The following NR2E1 variants were observed in gnomAD, a reference collection of about 807,000 sequenced individuals.
NR2E1 encodes the protein nuclear receptor TLX.
NR2E1 carries 5 observed loss-of-function variants against 43.6 expected under a neutral mutation model. The ratio of observed to expected loss-of-function variants is 0.11; its 90% CI spans 0.06 to 0.24. The LOEUF (loss-of-function observed/expected upper bound fraction) is 0.24, where lower values mean the gene tolerates loss of function less well. NR2E1 is among the 10% of genes least tolerant of loss of function. The probability of loss-of-function intolerance (pLI) is 1.00; values close to 1 mark genes in which losing one functional copy is unlikely to be tolerated. For missense variants in NR2E1, 287 were observed against 496.7 expected (o/e 0.58, Z 4.01); for synonymous variants, 191 against 195.5 (o/e 0.98, Z 0.19).
chr6:108,173,769 A>G (rs1773851098), intron 2 of NR2E1, among the ~76,000 whole-genome samples: 1 of 152,238 alleles, frequency 6.6e-6, no homozygotes, highest in East Asian at 1.9e-4. Context: ...TTCTGTGTAT[A>G]AAACTCATGC....
At chr6:108,178,726 T>C (rs1325323541) in intron 5 of NR2E1, 2 of 228,170 alleles carry the variant, frequency 8.8e-6, no homozygotes, top group Admixed American at 1.0e-4. Context: ...TGGTCATTAA[T>C]TGATAAGCAT....
intron 8 of NR2E1, among the ~76,000 whole-genome samples, chr6:108,186,540 C>G (rs71558307): frequency 7.2e-5 from 11 of 152,240 alleles, no homozygotes; most frequent in Non-Finnish European, 1.2e-4. Flanking sequence ...GTGGAGGGAG[C>G]TCTCCTTATG....
chr6:108,167,793 G>T (rs921533804), intron 1 of NR2E1, among the ~76,000 whole-genome samples: 1 of 152,016 alleles, frequency 6.6e-6, no homozygotes, highest in African/African-American at 2.4e-5. Flanking sequence ...CGCTCTGTGC[G>T]TTCCTTCCCT....
chr6:108,177,504 A>G (rs545641685), intron 4 of NR2E1, among the ~76,000 whole-genome samples: 1 of 152,352 alleles, frequency 6.6e-6, no homozygotes, highest in South Asian at 2.1e-4. Context: ...ACTGCAGGGA[A>G]GCCAGACACC....
intron 2 of NR2E1, among the ~76,000 whole-genome samples, chr6:108,174,569 C>T (rs542258906): frequency 3.3e-5 from 5 of 152,252 alleles, no homozygotes; most frequent in African/African-American, 9.6e-5. Context: ...CTAAGCTTCA[C>T]CTGCTTGGAG....
chr6:108,179,543 A>AT (rs1002000111), intron 5 of NR2E1, among the ~76,000 whole-genome samples: 30 of 117,010 alleles, frequency 2.6e-4, no homozygotes, highest in Admixed American at 1.5e-3. Context: ...TAGACTGGCT[A>AT]TTTTTTTTCA....
chr6:108,184,907 A>T (rs1177502126), intron 8 of NR2E1, among the ~76,000 whole-genome samples: 45 of 152,240 alleles, frequency 3.0e-4, no homozygotes, highest in Admixed American at 2.9e-3. Flanking sequence ...CTTATTTCTT[A>T]TTAAATAATG....
At position 108,168,444 on chromosome 6, in the gene NR2E1, C is replaced by A. The variant is rs556927631; in HGVS notation, c.25+1654C>A. 5.3e-5 allele frequency among the ~76,000 whole-genome samples: 8 copies of A among 152,344 alleles called. No homozygotes were observed. The East Asian group carries it at 1.4e-3, about 26-fold the overall frequency. ...AGGGAGGGGTGAGCGGGGAGCTCTG[C>A]CCGCCTGCGGCTGCGCCCCCGCTGT... On this transcript the variant is annotated intron_variant, in intron 1 of 8. Transcript: ENST00000368986.
chr6:108,185,818 G>A (rs1214487278), intron 8 of NR2E1, among the ~76,000 whole-genome samples: 2 of 152,170 alleles, frequency 1.3e-5, no homozygotes, highest in Admixed American at 6.5e-5. Context: ...AGATGAGTGG[G>A]TAATCTAATC....
In NR2E1 at chr6:108,187,661, G is replaced by T; in HGVS notation, c.*198G>T. The T allele has an allele frequency of 3.3e-6, 2 of 597,580 alleles. No homozygotes were observed. Among genetic ancestry groups the T allele is most frequent in the Non-Finnish European group, 6.0e-6 (2 of 335,964 alleles). 37.0% of individuals were successfully genotyped at this position (597,580 alleles called of 1,614,324 possible). On this transcript the variant is annotated 3_prime_UTR_variant, in exon 9 of 9. Coordinates refer to ENST00000368986, the MANE Select transcript of NR2E1 (RefSeq NM_003269.5). ...TGACCAGGATAGGGCGGGTGGGAAGGAGAGGGGTGCAACAGGACCGCCTGC... is the reference window on the plus strand; with the variant it reads ...TGACCAGGATAGGGCGGGTGGGAAGTAGAGGGGTGCAACAGGACCGCCTGC...
Position 108,188,501 on chromosome 6 carries a change from G to GA in NR2E1, c.*1040dup, listed in dbSNP as rs35935361. On this transcript the variant is annotated 3_prime_UTR_variant, in exon 9 of 9. Coordinates refer to ENST00000368986, the MANE Select transcript of NR2E1 (RefSeq NM_003269.5). ...ACTGGTTTCTAGTAAAGCCTTGAAT[G>GA]AACACACACACACACACACACACAC... is the stretch of plus-strand genomic sequence containing the variant. The GA allele has an allele frequency of 1.1e-5, 1 of 92,138 alleles. No homozygotes were observed. Among genetic ancestry groups the GA allele is most frequent in the African/African-American group, 4.7e-5 (1 of 21,490 alleles). 5.7% of individuals were successfully genotyped at this position (92,138 alleles called of 1,614,324 possible).
At chr6:108,184,848 T>C (rs1774048172) in intron 8 of NR2E1, among the ~76,000 whole-genome samples, 1 of 152,238 alleles carries the variant, frequency 6.6e-6, no homozygotes, top group Admixed American at 6.5e-5. Flanking sequence ...TGCCATGGAA[T>C]TCTTATTATT....
intron 3 of NR2E1, among the ~76,000 whole-genome samples, chr6:108,175,937 C>G (rs1247155019): frequency 6.6e-6 from 1 of 152,228 alleles, no homozygotes; most frequent in Non-Finnish European, 1.5e-5. Context: ...CCAGCATACT[C>G]GGAGACGGGT....
intron 1 of NR2E1, among the ~76,000 whole-genome samples, chr6:108,171,101 G>A (rs1005359502): frequency 1.3e-5 from 2 of 152,122 alleles, no homozygotes; most frequent in Non-Finnish European, 2.9e-5. Context: ...AAATGCAAAA[G>A]CGAAGGAGGG....
In NR2E1 at chr6:108,166,780, C is replaced by A; in HGVS notation, c.15C>A (p.Ala5=). 6.3e-7 allele frequency: 1 copy of A among 1,592,146 alleles called. No homozygotes were observed. The highest frequency in any genetic ancestry group is 1.1e-5 in the South Asian group (1 of 87,688). The change falls in exon 1 of 9, where the codon GCC becomes GCA. Residue 5 remains alanine, a synonymous_variant. Transcript: ENST00000368986. This position sits in a 1 kb window ranked among gnomAD's most constrained non-coding sequence, Gnocchi z 7.2. MSKP[A]GSTSRILDIP... is the part of the protein sequence containing the mutation. ...GGACAGCCAGCATGAGCAAGCCAGCCGGATCAACAAGTGGGTACCTCTCGG... is the reference window on the plus strand; with the variant it reads ...GGACAGCCAGCATGAGCAAGCCAGCAGGATCAACAAGTGGGTACCTCTCGG...
chr6:108,176,660 G>C lies in NR2E1; in HGVS notation c.417G>C (p.Pro139=), dbSNP rs755004862. The C allele has an allele frequency of 6.2e-7, 1 of 1,604,968 alleles. No homozygotes were observed. Among genetic ancestry groups the C allele is most frequent in the African/African-American group, 1.3e-5 (1 of 74,972 alleles). Residue 139 remains proline (P), a synonymous_variant, in exon 4 of 9, where the codon CCG becomes CCC. Coordinates refer to ENST00000368986, the MANE Select transcript of NR2E1 (RefSeq NM_003269.5). ...TCACCGCGGTCACGCAGCTGGAGCC[G>C]CACGGCCTGGAGCTGGCCGCGGTGT... ...AFFTAVTQLE[P]HGLELAAVST... is the part of the protein sequence containing the mutation.
Position 108,169,950 on chromosome 6 carries a change from C to T in NR2E1, c.26-1508C>T, listed in dbSNP as rs1582441128. Among the ~76,000 whole-genome samples the T allele has an allele frequency of 6.6e-6, 1 of 152,018 alleles. No homozygotes were observed. ...CCGAGCCTGGTCGTTACCGAACACCCCCTCACCCCCAAGCACGGTCCCCCG... is the reference window on the plus strand; with the variant it reads ...CCGAGCCTGGTCGTTACCGAACACCTCCTCACCCCCAAGCACGGTCCCCCG... On this transcript the variant is annotated intron_variant, in intron 1 of 8. Coordinates refer to ENST00000368986, the MANE Select transcript of NR2E1 (RefSeq NM_003269.5). The surrounding 1 kb of genome is among the most constrained non-coding windows in gnomAD (Gnocchi z 6.1).
At position 108,183,318 on chromosome 6, in the gene NR2E1, T is replaced by C. The variant is rs530681406; in HGVS notation, c.995+1667T>C. Among the ~76,000 whole-genome samples, 4 of 146,518 alleles carry C rather than the reference T, an allele frequency of 2.7e-5. No homozygotes were observed. In the East Asian group the frequency reaches 6.0e-4, roughly 22 times the overall value. On this transcript the variant is annotated intron_variant, in intron 8 of 8. Transcript: ENST00000368986. ...GTTCGAGACCAGCCTGGGCACAACA[T>C]GGCAAGACCCCATCTCCACCAAAAA...
In NR2E1 at chr6:108,169,519, A is replaced by G. The variant is rs1331648681; in HGVS notation, c.26-1939A>G. On this transcript the variant is annotated intron_variant, in intron 1 of 8. Transcript: ENST00000368986. The surrounding 1 kb of genome is among the most constrained non-coding windows in gnomAD (Gnocchi z 6.1). ...GGAAGAGGACAGCTGGGGTGACAGT[A>G]CTGCTGGGCCCCAAACGTGGACCCT... Among the ~76,000 whole-genome samples the G allele has an allele frequency of 3.9e-5, 6 of 152,154 alleles. No homozygotes were observed. In the East Asian group the frequency reaches 5.8e-4, roughly 15 times the overall value.
Sources: gnomAD v4.1 joint callset for allele counts (sites outside exome capture counted in the v4.1 genomes callset) on GRCh38, gnomAD v4.1.1 for gene constraint, Gnocchi (gnomAD v3.1) non-coding constraint, MANE v1.5 for transcripts, NCBI Gene and HGNC (gene_info 2026-07-23, HGNC 2026-07-21) for gene names.